CYP19A1: variants seen among roughly 807,000 people sequenced by gnomAD.
The protein encoded by CYP19A1 is aromatase.
Under a neutral mutation model 44.4 loss-of-function variants are expected in CYP19A1, and 32 were observed. The observed-to-expected ratio is 0.72, with a 90% CI of 0.54 to 0.97. CYP19A1 has a LOEUF of 0.97. CYP19A1 is among the 50% of genes least tolerant of loss of function. CYP19A1 has a pLI of 0.00. For synonymous variants in CYP19A1, 212 were observed against 215.6 expected (o/e 0.98, Z 0.14); for missense variants, 598 against 637.8 (o/e 0.94, Z 0.67).
chr15:51,313,939 G>T (rs2036370125), intron 1 of CYP19A1: 1 of 152,110 alleles, frequency 6.6e-6, no homozygotes. Context: ...AAGGTTCAAC[G>T]CTCACCTGGC....
chr15:51,240,813 A>AT (rs889354836), intron 2 of CYP19A1, among the ~76,000 whole-genome samples: 130 of 152,230 alleles, frequency 8.5e-4, no homozygotes, highest in African/African-American at 3.0e-3. Context: ...ATGACAAGCC[A>AT]TTTCCCTTCA....
chr15:51,328,039 G>C (rs537367596), intron 1 of CYP19A1, among the ~76,000 whole-genome samples: 1 of 152,044 alleles, frequency 6.6e-6, no homozygotes, highest in African/African-American at 2.4e-5. Context: ...GTGTAGAGTC[G>C]CCATGAATGC....
chr15:51,262,899 G>A (rs2034784091), intron 1 of CYP19A1, among the ~76,000 whole-genome samples: 1 of 152,160 alleles, frequency 6.6e-6, no homozygotes, highest in Admixed American at 6.5e-5. Flanking sequence ...TGCACTCCTG[G>A]AGCCTATAGT....
At chr15:51,294,822 A>G (rs1236839988) in intron 1 of CYP19A1, among the ~76,000 whole-genome samples, 1 of 151,968 alleles carries the variant, frequency 6.6e-6, no homozygotes, top group Non-Finnish European at 1.5e-5. Context: ...TGGGAGGTGT[A>G]CCCAACAGCT....
At chr15:51,241,117 G>A (rs1331323689) in intron 2 of CYP19A1, among the ~76,000 whole-genome samples, 1 of 152,178 alleles carries the variant, frequency 6.6e-6, no homozygotes, top group Non-Finnish European at 1.5e-5. Flanking sequence ...CAGCATGATG[G>A]CCCTGGCCCA....
intron 1 of CYP19A1, among the ~76,000 whole-genome samples, chr15:51,323,592 T>C (rs2036562098): frequency 6.6e-6 from 1 of 151,892 alleles, no homozygotes; most frequent in African/African-American, 2.4e-5. Context: ...GAGTCACTGA[T>C]CTACCCCCAC....
chr15:51,214,392 G>C (rs929762938), intron 8 of CYP19A1, among the ~76,000 whole-genome samples: 1 of 152,176 alleles, frequency 6.6e-6, no homozygotes, highest in African/African-American at 2.4e-5. Flanking sequence ...GGACCTGGAA[G>C]CTCCCCTGCA....
At chr15:51,328,291 G>A (rs969100520) in intron 1 of CYP19A1, among the ~76,000 whole-genome samples, 3 of 152,210 alleles carry the variant, frequency 2.0e-5, no homozygotes, top group Admixed American at 2.0e-4. Flanking sequence ...ATCCACCTAT[G>A]TATAAACAAG....
chr15:51,332,339 C>T (rs941415647), intron 1 of CYP19A1, among the ~76,000 whole-genome samples: 23 of 152,180 alleles, frequency 1.5e-4, no homozygotes, highest in African/African-American at 4.3e-4. Context: ...GCCTTTAGGA[C>T]GCTTTCACTT....
chr15:51,277,976 T>TTC (rs1491468496), intron 1 of CYP19A1: 19 of 145,564 alleles, frequency 1.3e-4, no homozygotes, highest in African/African-American at 3.0e-4. Context: ...TTTTTTTTTT[T>TTC]CCCCAGGAAA....
chr15:51,238,780 C>T (rs2033569371), intron 2 of CYP19A1, among the ~76,000 whole-genome samples: 1 of 152,136 alleles, frequency 6.6e-6, no homozygotes, highest in Admixed American at 6.5e-5. Flanking sequence ...GTGTTCTAAC[C>T]AGAAGAGAAC....
intron 1 of CYP19A1, among the ~76,000 whole-genome samples, chr15:51,297,717 T>C (rs1296601710): frequency 1.3e-5 from 2 of 151,884 alleles, no homozygotes; most frequent in African/African-American, 2.4e-5. Flanking sequence ...CTACCTGGTG[T>C]GGGTCCCAAA....
At chr15:51,229,988 C>T (rs72727164) in intron 3 of CYP19A1, among the ~76,000 whole-genome samples, 3 of 152,138 alleles carry the variant, frequency 2.0e-5, no homozygotes, top group Non-Finnish European at 4.4e-5. Context: ...AAGAGCCAAC[C>T]TTTAAAATTC....
chr15:51,262,893 C>T (rs532847761), intron 1 of CYP19A1, among the ~76,000 whole-genome samples: 23 of 152,320 alleles, frequency 1.5e-4, no homozygotes, highest in Admixed American at 9.2e-4. Flanking sequence ...AATGCTTGCA[C>T]TCCTGGAGCC....
intron 1 of CYP19A1, among the ~76,000 whole-genome samples, chr15:51,328,691 G>A (rs1469167037): frequency 6.6e-6 from 1 of 151,982 alleles, no homozygotes; most frequent in Non-Finnish European, 1.5e-5. Context: ...AACTTGACTG[G>A]GTCATAGGGT....
chr15:51,283,250 T>C (rs2035588070), intron 1 of CYP19A1, among the ~76,000 whole-genome samples: 2 of 152,222 alleles, frequency 1.3e-5, no homozygotes, highest in African/African-American at 2.4e-5. Flanking sequence ...ACTAGCCCGT[T>C]GGCTCCACCT....
At chr15:51,265,925 TCAGGCTA>T (rs1306876838) in intron 1 of CYP19A1, among the ~76,000 whole-genome samples, 1 of 152,210 alleles carries the variant, frequency 6.6e-6, no homozygotes, top group Non-Finnish European at 1.5e-5. Flanking sequence ...ACTGAGCCAG[TCAGGCTA>T]CAGGCTAGAG....
chr15:51,268,951 G>A (rs111468007), intron 1 of CYP19A1, among the ~76,000 whole-genome samples: 40 of 152,156 alleles, frequency 2.6e-4, no homozygotes, highest in African/African-American at 9.2e-4. Context: ...GATTCGAGTT[G>A]TCTGATACGT....
chr15:51,247,906 AT>A (rs998966857), intron 1 of CYP19A1, among the ~76,000 whole-genome samples: 56 of 151,848 alleles, frequency 3.7e-4, no homozygotes, highest in Non-Finnish European at 6.8e-4. Flanking sequence ...ACGTCCCTGT[AT>A]TTTTTTAATC....
Sources: allele counts gnomAD v4.1 joint callset (sites outside exome capture counted in the v4.1 genomes callset), GRCh38; gene constraint gnomAD v4.1.1; transcripts MANE v1.5; gene names NCBI Gene and HGNC (gene_info 2026-07-23, HGNC 2026-07-21).